The following FKBP1A variants were observed in gnomAD, a reference collection of about 807,000 sequenced individuals.
The protein encoded by FKBP1A is FKBP prolyl isomerase 1A.
A neutral mutation model predicts 14.2 loss-of-function variants in FKBP1A; 5 were observed. That is an observed-to-expected ratio of 0.35 (90% CI 0.18 to 0.74). The LOEUF is 0.74. FKBP1A is among the 30% of genes least tolerant of loss of function. The pLI is 0.56. For missense variants in FKBP1A, 53 were observed against 138.8 expected, an observed-to-expected ratio of 0.38 and a Z score of 3.10; for synonymous variants, 42 against 49.1, an observed-to-expected ratio of 0.86 and a Z score of 0.60.
In FKBP1A at chr20:1,393,013, C is replaced by G. The variant is rs774631181; in HGVS notation, c.-15G>C. 1.9e-5 allele frequency: 28 copies of G among 1,462,550 alleles called. No individual in the cohort carries two copies. In the South Asian group the frequency reaches 3.6e-4, roughly 19 times the overall value. The allele number at this position is 1,462,550 out of a possible 1,614,324, so 90.6% of individuals were successfully genotyped here. A position where few individuals can be genotyped will look rare whatever the true frequency, so the allele number is the denominator to read the frequency against. On this transcript the variant is annotated 5_prime_UTR_variant, in exon 1 of 5. Transcript: ENST00000400137. ...TGCACTCCCATGGCGGCGGCGGACG[C>G]TGAGCGGGCGGGCGGCGCGACGGGC...
At chr20:1,370,452 G>T in intron 4 of FKBP1A, 2 of 971,716 alleles carry the variant, frequency 2.1e-6, no homozygotes, top group Non-Finnish European at 1.2e-6. Flanking sequence ...CCACTCCCAT[G>T]ATTATGATTA....
At position 1,373,306 on chromosome 20, in the gene FKBP1A, C is replaced by T. The variant is rs933576220; in HGVS notation, c.199-1066G>A. 9 of 152,258 alleles carry T rather than the reference C, an allele frequency of 5.9e-5. No homozygotes were observed. In the East Asian group the frequency reaches 9.6e-4, roughly 16 times the overall value. The allele number at this position is 152,258 out of a possible 1,614,324, so 9.4% of individuals were successfully genotyped here. A position where few individuals can be genotyped will look rare whatever the true frequency, so the allele number is the denominator to read the frequency against. On this transcript the variant is annotated intron_variant, in intron 3 of 4. Coordinates refer to ENST00000400137, the MANE Select transcript of FKBP1A (RefSeq NM_000801.5). ...AGTGGTTTCATAGGCATATCCACAC[C>T]AGGGATTAGTCATGAGAAATCATAT...
At position 1,375,982 on chromosome 20, in the gene FKBP1A, G is replaced by C. The variant is rs73583216; in HGVS notation, c.86-379C>G. 2.6e-3 allele frequency among the ~76,000 whole-genome samples: 389 copies of C among 152,260 alleles called. 2 individuals carry two copies. The highest frequency in any genetic ancestry group is 8.8e-3 in the African/African-American group (365 of 41,540). ...TCCCTCGAGGTGCACACTATGTCTA[G>C]AAGTCACACACAGTGCAAGAAGCAA... On this transcript the variant is annotated intron_variant, in intron 2 of 4. Transcript: ENST00000400137.
At position 1,375,499 on chromosome 20, in the gene FKBP1A, C is replaced by G; in HGVS notation, c.190G>C (p.Val64Leu). Residue 64 changes from valine (V) to leucine (L), a missense_variant, in exon 3 of 5, where the codon GTT becomes CTT. Physicochemically the swap from Val to Leu is conservative, Grantham distance 32. Transcript: ENST00000400137. Reference protein sequence around the residue: ...QEVIRGWEEGVAQMSVGQRAK... With the variant: ...QEVIRGWEEGLAQMSVGQRAK... ...CAAATGAGAGAGCATACCTGGGCAACCCCTTCTTCCCAGCCTCGGATCACC... is the reference window on the plus strand; with the variant it reads ...CAAATGAGAGAGCATACCTGGGCAAGCCCTTCTTCCCAGCCTCGGATCACC... The G allele has an allele frequency of 3.1e-6, 5 of 1,612,216 alleles. No individual in the cohort carries two copies. The highest frequency in any genetic ancestry group is 1.1e-5 in the South Asian group (1 of 91,048).
chr20:1,371,619 A>T, intron 4 of FKBP1A: 1 of 718,908 alleles, frequency 1.4e-6, no homozygotes, highest in African/African-American at 1.9e-5. Context: ...CACAAACCAC[A>T]GTGAAGAGAG....
intron 2 of FKBP1A, among the ~76,000 whole-genome samples, chr20:1,390,676 C>T (rs1350185548): frequency 6.6e-6 from 1 of 152,114 alleles, no homozygotes; most frequent in East Asian, 1.9e-4. Flanking sequence ...GATGAGATCT[C>T]CCAGTGCCTA....
chr20:1,371,536 G>A (rs914195107), intron 4 of FKBP1A, among the ~76,000 whole-genome samples: 3 of 152,182 alleles, frequency 2.0e-5, no homozygotes, highest in African/African-American at 7.2e-5. Context: ...GGCCTCAAGT[G>A]TCCTGGGTGT....
chr20:1,373,781 G>C (rs2089501104), intron 3 of FKBP1A, among the ~76,000 whole-genome samples: 1 of 152,170 alleles, frequency 6.6e-6, no homozygotes, highest in Non-Finnish European at 1.5e-5. Flanking sequence ...GATGGGTTGT[G>C]GTATGAACAA....
intron 3 of FKBP1A, chr20:1,375,150 C>A: frequency 2.0e-6 from 1 of 498,036 alleles, no homozygotes; most frequent in Non-Finnish European, 3.5e-6. Flanking sequence ...CCATCTTGGC[C>A]TCCCAAAGTG....
intron 3 of FKBP1A, 121 bp downstream of exon 3, chr20:1,375,370 G>A (rs2089526283): frequency 1.5e-6 from 1 of 677,472 alleles, no homozygotes; most frequent in East Asian, 2.7e-5. Flanking sequence ...TGGTCAGATG[G>A]GATGGCATGA....
chr20:1,377,784 C>T (rs990814563), intron 2 of FKBP1A: 1 of 152,130 alleles, frequency 6.6e-6, no homozygotes, highest in Admixed American at 6.5e-5. Context: ...ATAAGGAAAC[C>T]GACTCCAAGG....
intron 3 of FKBP1A, among the ~76,000 whole-genome samples, chr20:1,372,682 G>C (rs757327458): frequency 1.3e-5 from 2 of 152,048 alleles, no homozygotes; most frequent in Non-Finnish European, 2.9e-5. Flanking sequence ...AATACTTGAG[G>C]GTAGTCTATT....
chr20:1,387,010 A>G (rs967803951), intron 2 of FKBP1A, among the ~76,000 whole-genome samples: 3 of 152,244 alleles, frequency 2.0e-5, no homozygotes, highest in African/African-American at 4.8e-5. Flanking sequence ...TAAGTTATTC[A>G]TAACCTTGGC....
chr20:1,372,294 C>G, intron 3 of FKBP1A, 54 bp from the exon 4 acceptor site: 1 of 1,590,326 alleles, frequency 6.3e-7, no homozygotes, highest in Non-Finnish European at 8.6e-7. Context: ...CCAACTGTCT[C>G]TGTAAGAAAA....
chr20:1,370,544 T>C (rs538526097), intron 4 of FKBP1A: 3 of 985,366 alleles, frequency 3.0e-6, no homozygotes, highest in East Asian at 1.1e-4. Context: ...AGACTGAGAA[T>C]AAACTGGTCA....
At chr20:1,388,521 A>G (rs2089693821) in intron 2 of FKBP1A, among the ~76,000 whole-genome samples, 1 of 152,218 alleles carries the variant, frequency 6.6e-6, no homozygotes, top group Non-Finnish European at 1.5e-5. Flanking sequence ...GAAGCTGGGA[A>G]CTGTGGGACA....
intron 4 of FKBP1A, chr20:1,371,763 C>T: frequency 1.9e-6 from 2 of 1,033,802 alleles, no homozygotes; most frequent in Non-Finnish European, 1.2e-6. Context: ...GTTGGCACTA[C>T]AAATTTGGCC....
intron 2 of FKBP1A, among the ~76,000 whole-genome samples, chr20:1,376,423 T>G (rs2089544983): frequency 6.6e-6 from 1 of 152,202 alleles, no homozygotes; most frequent in Non-Finnish European, 1.5e-5. Context: ...AAACAACCCA[T>G]GCTCATTTTT....
At chr20:1,387,304 C>T (rs561171701) in intron 2 of FKBP1A, among the ~76,000 whole-genome samples, 6 of 151,990 alleles carry the variant, frequency 3.9e-5, no homozygotes, top group South Asian at 2.1e-4. Flanking sequence ...GTAGTGAAAC[C>T]GAGAAATGGA....
Sources: allele counts gnomAD v4.1 joint callset (sites outside exome capture counted in the v4.1 genomes callset), GRCh38; gene constraint gnomAD v4.1.1; transcripts MANE v1.5; gene names NCBI Gene and HGNC (gene_info 2026-07-23, HGNC 2026-07-21).